Variants in NLGN1 observed in about 807,000 individuals in gnomAD.
NLGN1 encodes the protein neuroligin 1.
In NLGN1, 12 loss-of-function variants were observed where a neutral mutation model predicts 65.5. The observed-to-expected ratio is 0.18, with a 90% CI of 0.12 to 0.30. The LOEUF (loss-of-function observed/expected upper bound fraction) is 0.30, where lower values mean the gene tolerates loss of function less well. NLGN1 is among the 10% of genes least tolerant of loss of function. The pLI, the probability that NLGN1 is intolerant of heterozygous loss-of-function variation, is 1.00. For missense variants in NLGN1, 750 were observed against 1,007.1 expected (o/e 0.74, Z 3.46); for synonymous variants, 350 against 359.5 (o/e 0.97, Z 0.30).
chr3:173,762,621 C>G lies in NLGN1; in HGVS notation c.494-45059C>G, dbSNP rs77601146. 4.9e-4 allele frequency among the ~76,000 whole-genome samples: 74 copies of G among 152,130 alleles called. 2 individuals are homozygous for G. The East Asian group carries it at 0.014, about 28-fold the overall frequency. On this transcript the variant is annotated intron_variant, in intron 3 of 6. Transcript: ENST00000457714. ...ACAATGAGCCTACCTAAGGCATTCT[C>G]TAGTTATGGTATACATTATTAACTG...
intron 3 of NLGN1, among the ~76,000 whole-genome samples, chr3:173,693,283 A>G (rs1765738604): frequency 1.3e-5 from 2 of 152,032 alleles, no homozygotes; most frequent in African/African-American, 4.8e-5. Context: ...TTAATTGTGA[A>G]GTTAAAGGAG....
rs577886857 is a variant in NLGN1, at chr3:173,865,613, C to T, written c.646+57781C>T. Reference sequence around the variant, plus strand: ...AACAAAGAAACTTGATCAAGATTACCCAGCTGGGAAGCAGAGAAACTGAGG... The same window carrying T: ...AACAAAGAAACTTGATCAAGATTACTCAGCTGGGAAGCAGAGAAACTGAGG... On this transcript the variant is annotated intron_variant, in intron 4 of 6. Coordinates refer to ENST00000457714, the Ensembl canonical transcript of NLGN1. Among the ~76,000 whole-genome samples the T allele has an allele frequency of 7.9e-5, 12 of 152,040 alleles. No individual in the cohort carries two copies. In the East Asian group the frequency reaches 1.9e-3, roughly 25 times the overall value.
intron 2 of NLGN1, among the ~76,000 whole-genome samples, chr3:173,524,044 C>G (rs1348868888): frequency 6.6e-6 from 1 of 150,416 alleles, no homozygotes; most frequent in African/African-American, 2.4e-5. Flanking sequence ...CCTTAGCCTC[C>G]CGAGTAGCTG....
chr3:174,016,841 A>G (rs1029997640), intron 4 of NLGN1, among the ~76,000 whole-genome samples: 1 of 152,210 alleles, frequency 6.6e-6, no homozygotes. Context: ...GTAGAAACTT[A>G]GAAACCTCCA....
At chr3:174,019,537 G>A (rs370287205) in intron 4 of NLGN1, among the ~76,000 whole-genome samples, 118 of 152,154 alleles carry the variant, frequency 7.8e-4, no homozygotes, top group Middle Eastern at 6.8e-3. Context: ...TATAGCAACA[G>A]AAAACAGACT....
chr3:174,137,115 G>A (rs1010464849), intron 4 of NLGN1, among the ~76,000 whole-genome samples: 1 of 151,990 alleles, frequency 6.6e-6, no homozygotes, highest in African/African-American at 2.4e-5. Flanking sequence ...AAAACAGAAT[G>A]GTTATAAGGA....
At chr3:173,603,453 AACAG>A (rs3866708) in intron 2 of NLGN1, among the ~76,000 whole-genome samples, 124,232 of 151,486 alleles carry the variant, frequency 0.82, 51,816 homozygotes, top group South Asian at 0.93. Context: ...TTTGATCTCT[AACAG>A]ACAGTGAGAA....
At chr3:173,488,672 C>G (rs1381860558) in intron 2 of NLGN1, among the ~76,000 whole-genome samples, 1 of 151,938 alleles carries the variant, frequency 6.6e-6, no homozygotes, top group Non-Finnish European at 1.5e-5. Context: ...CAAAAGTAAT[C>G]TTTTTATCCC....
chr3:173,679,974 T>A (rs1763737721), intron 3 of NLGN1, among the ~76,000 whole-genome samples: 1 of 152,064 alleles, frequency 6.6e-6, no homozygotes, highest in Non-Finnish European at 1.5e-5. Flanking sequence ...AATCAGGAAA[T>A]CTTCTACAGA....
At chr3:173,538,297 C>G (rs912828884) in intron 2 of NLGN1, among the ~76,000 whole-genome samples, 1 of 152,164 alleles carries the variant, frequency 6.6e-6, no homozygotes, top group Non-Finnish European at 1.5e-5. Context: ...TTCCACCATT[C>G]TCTGAAACCA....
intron 4 of NLGN1, among the ~76,000 whole-genome samples, chr3:173,982,165 C>T (rs995019774): frequency 3.9e-5 from 6 of 152,028 alleles, no homozygotes; most frequent in Non-Finnish European, 7.4e-5. Flanking sequence ...GGTCTCTAAC[C>T]ATCAGCTTTA....
intron 4 of NLGN1, among the ~76,000 whole-genome samples, chr3:174,067,478 G>A (rs1030849815): frequency 1.3e-5 from 2 of 152,140 alleles, no homozygotes; most frequent in East Asian, 3.9e-4. Flanking sequence ...ACAAAATGCA[G>A]CTTAAACATC....
chr3:173,865,587 C>G (rs933320081), intron 4 of NLGN1, among the ~76,000 whole-genome samples: 1 of 151,858 alleles, frequency 6.6e-6, no homozygotes, highest in Non-Finnish European at 1.5e-5. Flanking sequence ...TTTAAAAAAA[C>G]AACAAAGAAA....
intron 4 of NLGN1, among the ~76,000 whole-genome samples, chr3:173,972,290 G>C (rs911516835): frequency 1.8e-4 from 27 of 152,054 alleles, no homozygotes; most frequent in African/African-American, 6.3e-4. Flanking sequence ...TTTAGGGCTG[G>C]CTTACTACTT....
intron 2 of NLGN1, among the ~76,000 whole-genome samples, chr3:173,499,411 T>C (rs990634598): frequency 3.3e-5 from 5 of 151,876 alleles, no homozygotes; most frequent in African/African-American, 1.2e-4. Flanking sequence ...TCCATTGGTC[T>C]ATATCTCTGT....
intron 2 of NLGN1, among the ~76,000 whole-genome samples, chr3:173,502,124 G>C (rs1560348592): frequency 1.3e-5 from 2 of 152,078 alleles, no homozygotes; most frequent in Non-Finnish European, 2.9e-5. Context: ...ATTTTTACAA[G>C]AGTAGACCTT....
intron 2 of NLGN1, among the ~76,000 whole-genome samples, chr3:173,540,715 G>A (rs1320735853): frequency 6.6e-6 from 1 of 152,156 alleles, no homozygotes; most frequent in East Asian, 1.9e-4. Flanking sequence ...CTATTGAAAA[G>A]CAAGTGTTCT....
chr3:173,810,550 G>A (rs377763290), intron 4 of NLGN1, among the ~76,000 whole-genome samples: 7 of 152,320 alleles, frequency 4.6e-5, no homozygotes, highest in African/African-American at 1.2e-4. Flanking sequence ...GAACAATCAG[G>A]ATGTCTGGAA....
chr3:173,630,441 A>T (rs187288119), intron 3 of NLGN1, among the ~76,000 whole-genome samples: 167 of 149,162 alleles, frequency 1.1e-3, no homozygotes, highest in African/African-American at 3.2e-3. Context: ...CTAAGAATTT[A>T]AAAAAAAAAG....
Sources: allele counts gnomAD v4.1 joint callset (sites outside exome capture counted in the v4.1 genomes callset), GRCh38; gene constraint gnomAD v4.1.1; transcripts MANE v1.5; gene names NCBI Gene and HGNC (gene_info 2026-07-23, HGNC 2026-07-21).